Variants in TPRG1 observed in about 807,000 individuals in gnomAD.
TPRG1 encodes the protein tumor protein p63-regulated gene 1 protein.
In TPRG1, 29 loss-of-function variants were observed where a neutral mutation model predicts 29.3. The ratio of observed to expected loss-of-function variants is 0.99; its 90% confidence interval spans 0.74 to 1.35. The LOEUF (loss-of-function observed/expected upper bound fraction) is 1.35, where lower values mean the gene tolerates loss of function less well. Ranked by LOEUF, TPRG1 falls within the 40% of genes most tolerant of loss-of-function variation. The pLI, the probability that TPRG1 is intolerant of heterozygous loss-of-function variation, is 0.00. For synonymous variants in TPRG1, 130 were observed against 116.8 expected (o/e 1.11, Z -0.73); for missense variants, 327 against 335.0 (o/e 0.98, Z 0.19).
intron 1 of TPRG1, among the ~76,000 whole-genome samples, chr3:189,186,161 T>G (rs17420703): frequency 0.068 from 10,333 of 152,272 alleles, 482 homozygotes; most frequent in Middle Eastern, 0.13. Context: ...AGATAAACAC[T>G]AAATGGAAGT....
At position 189,248,644 on chromosome 3, in the gene TPRG1, A is replaced by T. The variant is rs529848784; in HGVS notation, c.479+9735A>T. Reference sequence around the variant, plus strand: ...GATACATAATAGATTTTATTATTATATTTCATATATCCTAATATTATTGTT... The same window carrying T: ...GATACATAATAGATTTTATTATTATTTTTCATATATCCTAATATTATTGTT... On this transcript the variant is annotated intron_variant, in intron 4 of 5. Coordinates refer to ENST00000345063, the MANE Select transcript of TPRG1 (RefSeq NM_198485.4). Among the ~76,000 whole-genome samples the T allele has an allele frequency of 2.1e-3, 317 of 151,162 alleles. 2 individuals carry two copies. The highest frequency in any genetic ancestry group is 0.02 in the South Asian group (95 of 4,782).
At chr3:189,079,276 C>A (rs2152166613) in intron 4 of TPRG1, among the ~76,000 whole-genome samples, 1 of 152,230 alleles carries the variant, frequency 6.6e-6, no homozygotes, top group Middle Eastern at 3.4e-3. Context: ...CCCGACACCT[C>A]CCACCAGGTG....
intron 4 of TPRG1, among the ~76,000 whole-genome samples, chr3:189,031,239 C>T (rs373934537): frequency 1.3e-3 from 197 of 151,652 alleles, no homozygotes; most frequent in African/African-American, 3.8e-3. Flanking sequence ...TGCAGTGAGC[C>T]GCGATTGCGC....
chr3:189,281,160 A>G (rs1438503170), intron 4 of TPRG1, among the ~76,000 whole-genome samples: 1 of 152,234 alleles, frequency 6.6e-6, no homozygotes, highest in Non-Finnish European at 1.5e-5. Flanking sequence ...TTCACAAATG[A>G]GGAAGCTAAC....
At chr3:189,190,684 C>CA (rs1731558795) in intron 1 of TPRG1, among the ~76,000 whole-genome samples, 1 of 152,096 alleles carries the variant, frequency 6.6e-6, no homozygotes, top group Non-Finnish European at 1.5e-5. Flanking sequence ...TTAATCTTCA[C>CA]AAAAATTGTG....
chr3:189,078,095 T>TTCTCTCTTTCTCTCTTTCTC (rs1350887399), intron 4 of TPRG1, among the ~76,000 whole-genome samples: 9 of 30,082 alleles, frequency 3.0e-4, no homozygotes, highest in African/African-American at 5.1e-4. Flanking sequence ...CTTTCTCTCT[T>TTCTCTCTTTCTCTCTTTCTC]TCTTTCTTTC....
chr3:189,173,339 C>CTTTT lies in TPRG1; in HGVS notation c.-10+1210_-10+1211insTTTT, dbSNP rs549433698. Among the ~76,000 whole-genome samples, 23 of 130,326 alleles carry CTTTT rather than the reference C, an allele frequency of 1.8e-4. 6 individuals are homozygous for CTTTT. Among genetic ancestry groups the CTTTT allele is most frequent in the Admixed American group, 3.8e-4 (5 of 13,114 alleles). 85.5% of individuals were successfully genotyped at this position (130,326 alleles called of 152,430 possible). ...ATATATTCTTTTTCTTTCTTTTCTT[C>CTTTT]TTCTTTTTTTTTTTTTTTGAGACAG... On this transcript the variant is annotated intron_variant, in intron 1 of 5. Coordinates refer to ENST00000345063, the MANE Select transcript of TPRG1 (RefSeq NM_198485.4).
chr3:189,202,324 G>T (rs1733635761), intron 1 of TPRG1, among the ~76,000 whole-genome samples: 2 of 152,156 alleles, frequency 1.3e-5, no homozygotes, highest in South Asian at 4.2e-4. Context: ...GGGTAGGCTA[G>T]CTCTGACAGT....
chr3:189,167,588 A>G (rs570106242), upstream of TPRG1, among the ~76,000 whole-genome samples: 131 of 152,270 alleles, frequency 8.6e-4, no homozygotes, highest in Non-Finnish European at 1.6e-3. Context: ...CAACATGACA[A>G]CAGCAGAACA....
rs186669620 is a variant in TPRG1, at chr3:189,324,918, T to A, written c.*4098T>A. On this transcript the variant is annotated 3_prime_UTR_variant, in exon 6 of 6. Coordinates refer to ENST00000345063, the MANE Select transcript of TPRG1 (RefSeq NM_198485.4). ...AGCTGTGGTTTAGGGACGCTGCTCA[T>A]GAGTGACTTCTTATGCTTAGTGGCA... 3.3e-5 allele frequency: 5 copies of A among 152,328 alleles called. No homozygotes were observed. The East Asian group carries it at 9.7e-4, about 29-fold the overall frequency. The allele number at this position is 152,328 out of a possible 1,614,324, so 9.4% of individuals were successfully genotyped here.
chr3:189,254,435 A>G (rs1280023412), intron 4 of TPRG1, among the ~76,000 whole-genome samples: 4 of 152,172 alleles, frequency 2.6e-5, no homozygotes, highest in African/African-American at 9.7e-5. Flanking sequence ...CTTGTAGTAT[A>G]GTTTGAAGTC....
At chr3:189,277,182 C>T (rs1191792514) in intron 4 of TPRG1, among the ~76,000 whole-genome samples, 2 of 152,254 alleles carry the variant, frequency 1.3e-5, no homozygotes, top group East Asian at 1.9e-4. Context: ...GCAGCTTTCC[C>T]TACAATCCCC....
At chr3:189,259,754 A>G (rs1006853988) in intron 4 of TPRG1, among the ~76,000 whole-genome samples, 1 of 152,034 alleles carries the variant, frequency 6.6e-6, no homozygotes, top group Non-Finnish European at 1.5e-5. Context: ...ATAGGTGCAA[A>G]CCACCATGTC....
intron 3 of TPRG1, among the ~76,000 whole-genome samples, chr3:189,021,905 A>G (rs988747320): frequency 8.3e-4 from 127 of 152,224 alleles, no homozygotes; most frequent in African/African-American, 2.8e-3. Flanking sequence ...ACATAGTCCC[A>G]TATCTCTTGG....
At chr3:189,273,859 A>G (rs1282405206) in intron 4 of TPRG1, among the ~76,000 whole-genome samples, 1 of 152,184 alleles carries the variant, frequency 6.6e-6, no homozygotes, top group African/African-American at 2.4e-5. Flanking sequence ...AATGAAAAGC[A>G]TGCTTACAGA....
chr3:189,070,156 A>G (rs1716722010), intron 4 of TPRG1, among the ~76,000 whole-genome samples: 1 of 152,240 alleles, frequency 6.6e-6, no homozygotes, highest in Non-Finnish European at 1.5e-5. Flanking sequence ...ACTGACAGAA[A>G]TAATTTCAAG....
chr3:189,252,128 C>A (rs1041219251), intron 4 of TPRG1, among the ~76,000 whole-genome samples: 44 of 152,170 alleles, frequency 2.9e-4, no homozygotes, highest in Non-Finnish European at 3.7e-4. Context: ...ATCTGTTTAA[C>A]AAAGCACATC....
intron 1 of TPRG1, among the ~76,000 whole-genome samples, chr3:189,204,590 C>A (rs887454921): frequency 6.6e-6 from 1 of 152,178 alleles, no homozygotes; most frequent in Admixed American, 6.5e-5. Context: ...AGCTTGGTCT[C>A]AGAGCGCAGA....
At chr3:189,268,972 G>A (rs1006529042) in intron 4 of TPRG1, among the ~76,000 whole-genome samples, 3 of 152,062 alleles carry the variant, frequency 2.0e-5, no homozygotes, top group African/African-American at 4.8e-5. Context: ...TCTCTATGAC[G>A]AGAACCCTCT....
Sources: gnomAD v4.1 joint callset for allele counts (sites outside exome capture counted in the v4.1 genomes callset) on GRCh38, gnomAD v4.1.1 for gene constraint, MANE v1.5 for transcripts, NCBI Gene and HGNC (gene_info 2026-07-23, HGNC 2026-07-21) for gene names.